The following PON1 variants were observed in gnomAD, a reference collection of about 807,000 sequenced individuals.
PON1 encodes the protein paraoxonase 1, also known as serum paraoxonase/arylesterase 1.
PON1 carries 37 observed loss-of-function variants against 39.2 expected under a neutral mutation model. The observed-to-expected ratio is 0.94, with a 90% confidence interval of 0.73 to 1.24. The LOEUF (loss-of-function observed/expected upper bound fraction) is 1.24. Ranked by LOEUF, PON1 falls within the 50% of genes most tolerant of loss-of-function variation. The probability of loss-of-function intolerance (pLI) is 0.00; values close to 1 mark genes in which losing one functional copy is unlikely to be tolerated. For missense variants in PON1, 397 were observed against 413.5 expected (o/e 0.96, Z 0.35); for synonymous variants, 148 against 152.2 (o/e 0.97, Z 0.21).
chr7:95,311,077 C>T (rs113840724), intron 5 of PON1, among the ~76,000 whole-genome samples: 51 of 152,290 alleles, frequency 3.3e-4, no homozygotes, highest in Admixed American at 1.6e-3. Context: ...TTCATGGAAA[C>T]ATCTAAGAGT....
Position 95,298,788 on chromosome 7 carries a change from T to G in PON1, c.*156A>C. 1 of 889,598 alleles carries G rather than the reference T, an allele frequency of 1.1e-6. No individual in the cohort carries two copies. The highest frequency in any genetic ancestry group is 1.8e-6 in the Non-Finnish European group (1 of 549,460). The allele number at this position is 889,598 out of a possible 1,614,324, so 55.1% of individuals were successfully genotyped here. On this transcript the variant is annotated 3_prime_UTR_variant, in exon 9 of 9. Transcript: ENST00000222381. ...TATTCTCAAAAAAAAGCCCTACACA[T>G]CATATCACTCCCAGTTAAACAGTGC...
chr7:95,309,493 T>C (rs970824644), intron 5 of PON1, among the ~76,000 whole-genome samples: 2 of 152,172 alleles, frequency 1.3e-5, no homozygotes, highest in African/African-American at 4.8e-5. Context: ...GCAATAGCTT[T>C]TTATTGCTGA....
rs756961976 is a variant in PON1 at position 95,324,471 on chromosome 7, G to A, written c.5C>T (p.Ala2Val). The change falls in exon 1 of 9, where the codon GCG (alanine) becomes GTG (valine). Residue 2 changes from alanine to valine, a missense_variant. Ala to Val is a moderately conservative substitution (Grantham distance 64). Coordinates refer to ENST00000222381, the MANE Select transcript of PON1 (RefSeq NM_000446.7). ...CAAGAGGGTGAGCGCAATCAGCTTCGCCATGGTCGGGGATAGACAAAGGGA... is the reference window on the plus strand; with the variant it reads ...CAAGAGGGTGAGCGCAATCAGCTTCACCATGGTCGGGGATAGACAAAGGGA... Reference protein sequence around the residue: MAKLIALTLLGM... With the variant: MVKLIALTLLGM... The A allele has an allele frequency of 4.3e-6, 7 of 1,613,940 alleles. No individual in the cohort carries two copies. Among genetic ancestry groups the A allele is most frequent in the South Asian group, 1.1e-5 (1 of 91,048 alleles).
In PON1 at chr7:95,324,397, C is replaced by T. The variant is rs755871347; in HGVS notation, c.74+5G>A. Reference sequence around the variant, plus strand: ...GGCTGCAGCCCTCACCACAACCCAACTTACTGGTAAGAAGACTGGTGGTTC... The same window carrying T: ...GGCTGCAGCCCTCACCACAACCCAATTTACTGGTAAGAAGACTGGTGGTTC... On this transcript the variant is annotated splice_donor_5th_base_variant and intron_variant, in intron 1 of 8. Coordinates refer to ENST00000222381, the MANE Select transcript of PON1 (RefSeq NM_000446.7). 9.9e-6 allele frequency: 16 copies of T among 1,613,970 alleles called. No individual in the cohort carries two copies. The South Asian group carries it at 1.8e-4, about 18-fold the overall frequency.
At chr7:95,315,822 A>G (rs966934018) in intron 3 of PON1, among the ~76,000 whole-genome samples, 1 of 152,264 alleles carries the variant, frequency 6.6e-6, no homozygotes, top group Non-Finnish European at 1.5e-5. Context: ...CAATGATATA[A>G]GCAAGGAATA....
chr7:95,308,002 T>C lies in PON1; in HGVS notation c.698+9A>G. 2 of 1,609,788 alleles carry C rather than the reference T, an allele frequency of 1.2e-6. No homozygotes were observed. The highest frequency in any genetic ancestry group is 8.5e-7 in the Non-Finnish European group (1 of 1,176,154). ...AGTAAATCCACTACATTTCAGAGAG[T>C]TCACATACTTGCCATCGGGTGAAAT... On this transcript the variant is annotated intron_variant, in intron 6 of 8. Coordinates refer to ENST00000222381, the MANE Select transcript of PON1 (RefSeq NM_000446.7).
chr7:95,311,398 A>G lies in PON1; in HGVS notation c.497+53T>C, dbSNP rs1289124686. The G allele has an allele frequency of 3.1e-6, 5 of 1,607,042 alleles. No individual in the cohort carries two copies. In the African/African-American group the frequency reaches 6.7e-5, roughly 21 times the overall value. On this transcript the variant is annotated intron_variant, in intron 5 of 8. Coordinates refer to ENST00000222381, the MANE Select transcript of PON1 (RefSeq NM_000446.7). ...GGCCAAAAGGAAAAACTAAAAGTGG[A>G]TTAACTATCCGCTACAGCTAAAGGA...
At chr7:95,306,931 A>G (rs1807554387) in intron 6 of PON1, among the ~76,000 whole-genome samples, 1 of 152,116 alleles carries the variant, frequency 6.6e-6, no homozygotes, top group Non-Finnish European at 1.5e-5. Context: ...CAACAAAAAA[A>G]AGAAATTACT....
rs996753461 is a variant in PON1, at chr7:95,323,803, G to A, written c.74+599C>T. Among the ~76,000 whole-genome samples, 12 of 152,144 alleles carry A rather than the reference G, an allele frequency of 7.9e-5. 1 individual carries two copies. The highest frequency in any genetic ancestry group is 4.1e-4 in the South Asian group (2 of 4,822). ...AGATGTAAAGTGATTTGCCCAAATCGCATACTCATGGGGCAGAGCTAAACC... is the reference window on the plus strand; with the variant it reads ...AGATGTAAAGTGATTTGCCCAAATCACATACTCATGGGGCAGAGCTAAACC... On this transcript the variant is annotated intron_variant, in intron 1 of 8. Coordinates refer to ENST00000222381, the MANE Select transcript of PON1 (RefSeq NM_000446.7).
At chr7:95,305,961 A>G (rs1437250156) in intron 7 of PON1, among the ~76,000 whole-genome samples, 2 of 152,102 alleles carry the variant, frequency 1.3e-5, no homozygotes, top group Admixed American at 1.3e-4. Context: ...GAGGGAAGGA[A>G]GGTGGAGGAG....
chr7:95,323,532 C>T (rs1440656755), intron 1 of PON1, among the ~76,000 whole-genome samples: 2 of 152,068 alleles, frequency 1.3e-5, no homozygotes, highest in Non-Finnish European at 2.9e-5. Context: ...TTAGGTTTTA[C>T]TTTAAAGTAA....
chr7:95,314,080 T>A (rs578119897), intron 4 of PON1, among the ~76,000 whole-genome samples: 13 of 151,776 alleles, frequency 8.6e-5, no homozygotes, highest in Non-Finnish European at 1.6e-4. Context: ...TGAAGTAGGC[T>A]GGGCGCGGTG....
intron 8 of PON1, 91 bp downstream of exon 8, chr7:95,302,114 A>AAAAAAAAAAAAAG (rs1807444325): frequency 1.3e-6 from 1 of 761,716 alleles, no homozygotes; most frequent in Non-Finnish European, 1.8e-6. Flanking sequence ...AAAAAAAAAA[A>AAAAAAAAAAAAAG]AAAAAAACCA....
chr7:95,318,401 G>A lies in PON1; in HGVS notation c.75-8C>T. On this transcript the variant is annotated splice_polypyrimidine_tract_variant and splice_region_variant and intron_variant, in intron 1 of 8. Transcript: ENST00000222381. Reference sequence around the variant, plus strand: ...AGAGCATTAAGTCGTGTTCTGTGGGGGAGAAAGAAATAAAACACACACAAA... The same window carrying A: ...AGAGCATTAAGTCGTGTTCTGTGGGAGAGAAAGAAATAAAACACACACAAA... The A allele has an allele frequency of 6.3e-7, 1 of 1,598,946 alleles. No homozygotes were observed. The highest frequency in any genetic ancestry group is 8.6e-7 in the Non-Finnish European group (1 of 1,166,510).
intron 4 of PON1, 24 bp downstream of exon 4, chr7:95,315,298 T>C (rs762332703): frequency 6.2e-7 from 1 of 1,600,666 alleles, no homozygotes; most frequent in South Asian, 1.1e-5. Flanking sequence ...GGTTTTGGTT[T>C]TAATAAATAG....
At position 95,311,478 on chromosome 7, in the gene PON1, T is replaced by C. The variant is rs950704725; in HGVS notation, c.470A>G (p.Lys157Arg). Residue 157 changes from lysine to arginine, a missense_variant, in exon 5 of 9, where the codon AAA becomes AGA. By Grantham distance (26) the Lys-to-Arg change is conservative. Coordinates refer to ENST00000222381, the MANE Select transcript of PON1 (RefSeq NM_000446.7). ...AGGCAGAAGTTTATGTCTGATGGTT[T>C]TTAGATGCAAAAGCGATTTTTCTTC... is the stretch of plus-strand genomic sequence containing the variant. ...QEEEKSLLHL[K>R]TIRHKLLPNL... is the part of the protein sequence containing the mutation. 5 of 1,614,020 alleles carry C rather than the reference T, an allele frequency of 3.1e-6. No individual in the cohort carries two copies. The highest frequency in any genetic ancestry group is 4.2e-6 in the Non-Finnish European group (5 of 1,179,992).
intron 3 of PON1, among the ~76,000 whole-genome samples, chr7:95,316,326 A>C (rs2116320607): frequency 6.6e-6 from 1 of 152,358 alleles, no homozygotes; most frequent in Non-Finnish European, 1.5e-5. Context: ...TAAAGGGCTT[A>C]TTCTGAAATT....
chr7:95,298,893 G>A lies in PON1; in HGVS notation c.*51C>T, dbSNP rs934225740. 3 of 1,607,090 alleles carry A rather than the reference G, an allele frequency of 1.9e-6. No homozygotes were observed. The highest frequency in any genetic ancestry group is 2.7e-5 in the African/African-American group (2 of 74,748). On this transcript the variant is annotated 3_prime_UTR_variant, in exon 9 of 9. Transcript: ENST00000222381. ...ACACTGGGTCCTCGGAATATGGCAAGCGGTTGAAATAATGGCCTCAGTTTC... is the reference window on the plus strand; with the variant it reads ...ACACTGGGTCCTCGGAATATGGCAAACGGTTGAAATAATGGCCTCAGTTTC...
intron 7 of PON1, among the ~76,000 whole-genome samples, chr7:95,303,826 A>G (rs976071133): frequency 1.3e-5 from 2 of 152,210 alleles, no homozygotes; most frequent in Admixed American, 6.5e-5. Context: ...TCAAGAAAAC[A>G]TAATAAATTA....
Sources: gnomAD v4.1 joint callset for allele counts (sites outside exome capture counted in the v4.1 genomes callset) on GRCh38, gnomAD v4.1.1 for gene constraint, MANE v1.5 for transcripts, NCBI Gene and HGNC (gene_info 2026-07-23, HGNC 2026-07-21) for gene names.